The following UBR4 variants were observed in gnomAD, a reference collection of about 807,000 sequenced individuals.
UBR4 encodes ubiquitin protein ligase E3 component n-recognin 4.
UBR4 carries 124 observed loss-of-function variants against 575.6 expected under a neutral mutation model. The observed-to-expected ratio is 0.22, with a 90% CI of 0.19 to 0.25. The LOEUF is 0.25. UBR4 is among the 10% of genes least tolerant of loss of function. The pLI is 1.00. For synonymous variants in UBR4, 2,455 were observed against 2,473.7 expected (o/e 0.99, Z 0.22); for missense variants, 4,818 against 6,478.8 (o/e 0.74, Z 8.80).
chr1:19,078,626 T>C (rs1410570197), intron 103 of UBR4: 1 of 154,470 alleles, frequency 6.5e-6, no homozygotes, highest in African/African-American at 2.4e-5. Flanking sequence ...TGGTAATGTC[T>C]AAGATGGAGC....
intron 74 of UBR4, among the ~76,000 whole-genome samples, 179 bp downstream of exon 74, chr1:19,115,219 A>ACACT (rs201826625): frequency 2.0e-5 from 3 of 146,692 alleles, no homozygotes; most frequent in African/African-American, 4.9e-5. Flanking sequence ...ACACACACAC[A>ACACT]CACTCACTCA....
At chr1:19,196,733 C>T (rs1431053357) in intron 8 of UBR4, among the ~76,000 whole-genome samples, 3 of 152,114 alleles carry the variant, frequency 2.0e-5, no homozygotes, top group Non-Finnish European at 2.9e-5. Context: ...CTCTGTGTAC[C>T]GAAAATATTC....
intron 67 of UBR4, 54 bp from the exon 68 acceptor site, chr1:19,121,488 G>C (rs1204906558): frequency 1.3e-6 from 2 of 1,566,748 alleles, no homozygotes; most frequent in African/African-American, 2.7e-5. Flanking sequence ...ACCAGACTCA[G>C]GAGAACCAAA....
intron 18 of UBR4, among the ~76,000 whole-genome samples, chr1:19,178,273 G>A (rs1482019299): frequency 6.6e-6 from 1 of 152,188 alleles, no homozygotes; most frequent in Non-Finnish European, 1.5e-5. Flanking sequence ...ACTATTCAGA[G>A]AATTTGTCAG....
rs1412967235 is a variant in UBR4 at position 19,129,060 on chromosome 1, C to A, written c.8921G>T (p.Arg2974Leu). 1.9e-6 allele frequency: 3 copies of A among 1,614,022 alleles called. No homozygotes were observed. The Admixed American group carries it at 5.0e-5, about 27-fold the overall frequency. Residue 2974 changes from arginine to leucine, a missense_variant, in exon 61 of 106, where the codon CGT becomes CTT. Physicochemically the swap from Arg to Leu is moderately radical, Grantham distance 102. Transcript: ENST00000375254. ...CAGTAATCTCTCCAACAGCATTAGA[C>A]GGACCATGTGCAGCCTAAAAGGGTG... ...VHTSNRLHMV[R>L]LMLLERLLQT...
intron 52 of UBR4, chr1:19,146,227 AG>A: frequency 1.4e-6 from 1 of 723,968 alleles, no homozygotes; most frequent in Non-Finnish European, 2.1e-6. Context: ...TAAAACGTAG[AG>A]GAACATCTGA....
In UBR4 at chr1:19,170,745, C is replaced by T. The variant is rs149373064; in HGVS notation, c.3643+17G>A. ...CTGTTGTAATAATATTACTCAAAAG[C>T]ACATTTGTTCTCTTACCCAGAGTAT... On this transcript the variant is annotated intron_variant, in intron 26 of 105. Coordinates refer to ENST00000375254, the MANE Select transcript of UBR4 (RefSeq NM_020765.3). 6.2e-7 allele frequency: 1 copy of T among 1,613,968 alleles called. No individual in the cohort carries two copies. Among genetic ancestry groups the T allele is most frequent in the Non-Finnish European group, 8.5e-7 (1 of 1,180,006 alleles).
chr1:19,171,023 G>A, intron 25 of UBR4, 140 bp from the exon 26 acceptor site: 1 of 1,182,674 alleles, frequency 8.5e-7, no homozygotes, highest in Non-Finnish European at 1.2e-6. Flanking sequence ...GCCCCTTCCT[G>A]GTCTCTAAGA....
rs758510080 is a variant in UBR4 at position 19,144,823 on chromosome 1, G to T, written c.8030C>A (p.Thr2677Lys). 1 of 1,614,154 alleles carries T rather than the reference G, an allele frequency of 6.2e-7. No individual in the cohort carries two copies. The highest frequency in any genetic ancestry group is 8.5e-7 in the Non-Finnish European group (1 of 1,180,006). ...CATCTGCATGTAGATCTTGGATGCT[G>T]TGTTAATACAATCCAGCTCACAGGT... ...YCTCELDCINTASKIYMQMLL... is the reference protein window; with the variant it reads ...YCTCELDCINKASKIYMQMLL... The change falls in exon 54 of 106, where the codon ACA becomes AAA. Residue 2677 changes from threonine to lysine, a missense_variant. Physicochemically the swap from Thr to Lys is moderately conservative, Grantham distance 78. Coordinates refer to ENST00000375254, the MANE Select transcript of UBR4 (RefSeq NM_020765.3).
intron 40 of UBR4, 43 bp from the exon 41 acceptor site, chr1:19,156,968 C>T: frequency 1.9e-6 from 3 of 1,586,962 alleles, no homozygotes; most frequent in South Asian, 2.3e-5. Flanking sequence ...TCCTGGTCCT[C>T]TCAGAGAAGT....
Position 19,112,607 on chromosome 1 carries a change from G to T in UBR4, c.11718C>A (p.Ile3906=), listed in dbSNP as rs199857266. The change falls in exon 78 of 106, where the codon ATC becomes ATA. Residue 3906 remains isoleucine, a synonymous_variant. Coordinates refer to ENST00000375254, the MANE Select transcript of UBR4 (RefSeq NM_020765.3). ...GAAGATTATAATCAAAGAGCTCCCG[G>T]ATAAGGCCCTGGGAGACAAGGATGT... is the stretch of plus-strand genomic sequence containing the variant. ...LRHILVSQGL[I]RELFDYNLRR... The T allele has an allele frequency of 1.2e-6, 2 of 1,614,272 alleles. No homozygotes were observed. Among genetic ancestry groups the T allele is most frequent in the Non-Finnish European group, 1.7e-6 (2 of 1,180,048 alleles).
rs769594236 is a variant in UBR4 at position 19,153,782 on chromosome 1, G to A, written c.6616C>T (p.Pro2206Ser). ...CTGGCACTGACCTTCGCTTTAGCAG[G>A]AAGAGTCTTAATCTCCTGGATAAGA... ...TFLIQEIKTL[P>S]AKAKIQDMVA... Residue 2206 changes from proline to serine, a missense_variant, in exon 45 of 106, where the codon CCT becomes TCT. This residue lies in a region of UBR4 where 461 missense variants were observed against 606.9 expected (regional missense o/e 0.76). Coordinates refer to ENST00000375254, the MANE Select transcript of UBR4 (RefSeq NM_020765.3). The surrounding 1 kb of genome is among the most constrained non-coding windows in gnomAD (Gnocchi z 4.1). 1.2e-6 allele frequency: 2 copies of A among 1,613,832 alleles called. No individual in the cohort carries two copies. The highest frequency in any genetic ancestry group is 1.3e-5 in the African/African-American group (1 of 74,908).
In UBR4 at chr1:19,151,774, A is replaced by G; in HGVS notation, c.7082T>C (p.Ile2361Thr). The change falls in exon 48 of 106, where the codon ATA becomes ACA. Residue 2361 changes from isoleucine to threonine, a missense_variant. Ile to Thr is a moderately conservative substitution (Grantham distance 89, BLOSUM62 -1). Transcript: ENST00000375254. ...GMRIQIGTQA[I>T]ERAPSYIEIF... Reference sequence around the variant, plus strand: ...CTCGATATATGACGGGGCCCGTTCTATTGCTTGAGTCCCAATCTGGATCCG... The same window carrying G: ...CTCGATATATGACGGGGCCCGTTCTGTTGCTTGAGTCCCAATCTGGATCCG... The G allele has an allele frequency of 6.2e-7, 1 of 1,614,150 alleles. No individual in the cohort carries two copies.
Position 19,130,736 on chromosome 1 carries a change from A to G in UBR4, c.8907-1662T>C, listed in dbSNP as rs553898267. 1.2e-4 allele frequency among the ~76,000 whole-genome samples: 19 copies of G among 152,368 alleles called. 1 individual carries two copies. In the South Asian group the frequency reaches 3.9e-3, roughly 32 times the overall value. The stretch of plus-strand genomic sequence containing the variant: ...AAGGTGAGATGACAGCAGCAGTTCA[A>G]TAGTTTGAACATAAAACATAAGACG... On this transcript the variant is annotated intron_variant, in intron 60 of 105. Coordinates refer to ENST00000375254, the MANE Select transcript of UBR4 (RefSeq NM_020765.3).
chr1:19,094,773 C>T, intron 94 of UBR4, 133 bp downstream of exon 94: 3 of 1,244,146 alleles, frequency 2.4e-6, no homozygotes, highest in Non-Finnish European at 3.3e-6. Flanking sequence ...TTAGTTGAGT[C>T]CTAACATTCC....
rs56018841 is a variant in UBR4, at chr1:19,195,266, AAAT to A, written c.1019-1712_1019-1710del. ...GGCGACTGAGCGAGACTCCATCTCA[AAAT>A]AATAATAATAATAATAATAATAGTA... On this transcript the variant is annotated intron_variant, in intron 8 of 105. Coordinates refer to ENST00000375254, the MANE Select transcript of UBR4 (RefSeq NM_020765.3). 2.0e-4 allele frequency among the ~76,000 whole-genome samples: 29 copies of A among 143,336 alleles called. 1 individual carries two copies. The highest frequency in any genetic ancestry group is 1.2e-3 in the East Asian group (6 of 4,992). The allele number at this position is 143,336 out of a possible 152,430, so 94.0% of individuals were successfully genotyped here.
intron 49 of UBR4, among the ~76,000 whole-genome samples, chr1:19,150,259 G>T (rs1485067155): frequency 6.6e-6 from 1 of 152,162 alleles, no homozygotes; most frequent in Non-Finnish European, 1.5e-5. Flanking sequence ...AGCAAGCCTG[G>T]ATCCTAATCT....
At chr1:19,099,358 C>T (rs530887253) in intron 90 of UBR4, among the ~76,000 whole-genome samples, 3 of 152,326 alleles carry the variant, frequency 2.0e-5, no homozygotes, top group Admixed American at 6.5e-5. Context: ...CACAGCCCAG[C>T]AAAATGCTTT....
chr1:19,174,886 C>G, intron 21 of UBR4, 68 bp downstream of exon 21: 3 of 1,438,524 alleles, frequency 2.1e-6, no homozygotes, highest in Non-Finnish European at 2.9e-6. Context: ...CCCTTTCCCC[C>G]CAGTAGGCTG....
Sources: gnomAD v4.1 joint callset for allele counts (sites outside exome capture counted in the v4.1 genomes callset) on GRCh38, gnomAD v4.1.1 for gene constraint, gnomAD v4.1.1 regional missense constraint, Gnocchi (gnomAD v3.1) non-coding constraint, MANE v1.5 for transcripts, NCBI Gene and HGNC (gene_info 2026-07-23, HGNC 2026-07-21) for gene names.